The following CALB1 variants were observed in gnomAD, a reference collection of about 807,000 sequenced individuals.
The protein encoded by CALB1 is calbindin 1.
CALB1 carries 16 observed loss-of-function variants against 46.7 expected under a neutral mutation model. The ratio of observed to expected loss-of-function variants is 0.34; its 90% CI spans 0.23 to 0.52. CALB1 has a LOEUF of 0.52. Among genes scored for constraint, CALB1 ranks in the 20% least tolerant of loss-of-function variants. The pLI, the probability that CALB1 is intolerant of heterozygous loss-of-function variation, is 0.95. For missense variants in CALB1, 224 were observed against 300.3 expected, an observed-to-expected ratio of 0.75 and a Z score of 1.88; for synonymous variants, 90 against 112.8, an observed-to-expected ratio of 0.80 and a Z score of 1.28.
At chr8:90,072,182 AAAC>A (rs1452173468) in intron 3 of CALB1, among the ~76,000 whole-genome samples, 11 of 151,616 alleles carry the variant, frequency 7.3e-5, no homozygotes, top group African/African-American at 2.7e-4. Flanking sequence ...AAACAGAAAA[AAAC>A]AAATGAATGA....
intron 3 of CALB1, among the ~76,000 whole-genome samples, chr8:90,075,124 A>C (rs145956037): frequency 1.1e-3 from 160 of 152,310 alleles, no homozygotes; most frequent in African/African-American, 3.8e-3. Context: ...AATCTATTTA[A>C]AGGCAAGAAA....
In CALB1 at chr8:90,082,809, C is replaced by A; in HGVS notation, c.-112G>T. 9.4e-7 allele frequency: 1 copy of A among 1,063,296 alleles called. No individual in the cohort carries two copies. The highest frequency in any genetic ancestry group is 1.5e-6 in the Non-Finnish European group (1 of 685,394). The allele number at this position is 1,063,296 out of a possible 1,614,324, so 65.9% of individuals were successfully genotyped here. On this transcript the variant is annotated 5_prime_UTR_variant, in exon 1 of 11. In the 5' UTR this introduces an upstream ATG that the reference lacks. Transcript: ENST00000265431. ...GCGAGTCAGGGCTGCGGAGGGAGAC[C>A]TGGGCGCGGGCGCTGCCGGGCGCTG...
intron 5 of CALB1, 115 bp downstream of exon 5, chr8:90,068,883 G>A: frequency 1.5e-6 from 1 of 677,770 alleles, no homozygotes; most frequent in Non-Finnish European, 2.5e-6. Context: ...AGGTGAAAAT[G>A]TGACACTGTT....
chr8:90,066,423 T>A (rs1375961309), intron 5 of CALB1, among the ~76,000 whole-genome samples: 1 of 152,030 alleles, frequency 6.6e-6, no homozygotes, highest in East Asian at 1.9e-4. Flanking sequence ...CTATCCCTAA[T>A]TTCAAATCCA....
intron 3 of CALB1, among the ~76,000 whole-genome samples, chr8:90,073,183 T>C (rs796166465): frequency 1.3e-5 from 2 of 152,314 alleles, no homozygotes; most frequent in South Asian, 2.1e-4. Flanking sequence ...TGTAAATAAA[T>C]GGAGGTAAAG....
rs746509996 is a variant in CALB1, at chr8:90,082,137, T to C, written c.80-35A>G. ...CAAAGAGGCACCCAGGTGTCAGATATCTCATTCCAAGTGTCTTTCCCGTTC... is the reference window on the plus strand; with the variant it reads ...CAAAGAGGCACCCAGGTGTCAGATACCTCATTCCAAGTGTCTTTCCCGTTC... On this transcript the variant is annotated intron_variant, in intron 1 of 10. Coordinates refer to ENST00000265431, the MANE Select transcript of CALB1 (RefSeq NM_004929.4). The C allele has an allele frequency of 1.6e-5, 25 of 1,557,938 alleles. No individual in the cohort carries two copies. The South Asian group carries it at 2.3e-4, about 15-fold the overall frequency.
rs767017029 is a variant in CALB1 at position 90,082,734 on chromosome 8, C to G, written c.-37G>C. 1.9e-6 allele frequency: 3 copies of G among 1,577,860 alleles called. No homozygotes were observed. The highest frequency in any genetic ancestry group is 1.1e-5 in the South Asian group (1 of 90,332). On this transcript the variant is annotated 5_prime_UTR_variant, in exon 1 of 11. Transcript: ENST00000265431. ...GTGTGTGTCTGGGTGTGTGAATATG[C>G]GTGTGTCTGTGTCCGCGCGAGGGGG...
At chr8:90,064,627 A>G (rs1210002757) in intron 6 of CALB1, among the ~76,000 whole-genome samples, 1 of 151,760 alleles carries the variant, frequency 6.6e-6, no homozygotes, top group Non-Finnish European at 1.5e-5. Context: ...GATTGGAACA[A>G]AATAGAAAAT....
intron 2 of CALB1, among the ~76,000 whole-genome samples, chr8:90,081,822 C>G (rs1389372048): frequency 3.3e-5 from 5 of 151,676 alleles, no homozygotes; most frequent in Admixed American, 3.3e-4. Flanking sequence ...CTCTCTCTCT[C>G]CCCCTCTCTC....
At chr8:90,078,630 T>A (rs994451016) in intron 2 of CALB1, among the ~76,000 whole-genome samples, 183 bp from the exon 3 acceptor site, 1 of 151,646 alleles carries the variant, frequency 6.6e-6, no homozygotes, top group African/African-American at 2.4e-5. Context: ...TAGTTCCAAA[T>A]GAAAGAGTTG....
In CALB1 at chr8:90,060,638, C is replaced by A. The variant is rs1262239633; in HGVS notation, c.663G>T (p.Lys221Asn). The A allele has an allele frequency of 6.2e-7, 1 of 1,613,380 alleles. No homozygotes were observed. The highest frequency in any genetic ancestry group is 1.3e-5 in the African/African-American group (1 of 74,918). ...ATGGTAACTAAGTTACCTGTTTATT[C>A]TTCTCGCACAGATCCTTCAGTAAAG... ...LDALLKDLCE[K>N]NKQDLDINNI... Residue 221 changes from lysine to asparagine, a missense_variant, in exon 10 of 11, where the codon AAG becomes AAT. By Grantham distance (94) the Lys-to-Asn change is moderately conservative. Transcript: ENST00000265431.
intron 9 of CALB1, chr8:90,061,718 C>T (rs192047596): frequency 1.3e-3 from 191 of 152,030 alleles, no homozygotes; most frequent in African/African-American, 4.5e-3. Flanking sequence ...GAGACACAAA[C>T]AAATGGAAAG....
At chr8:90,068,363 A>T (rs934013453) in intron 5 of CALB1, among the ~76,000 whole-genome samples, 2 of 152,180 alleles carry the variant, frequency 1.3e-5, no homozygotes, top group South Asian at 4.1e-4. Context: ...TCTAAGTTGC[A>T]GTTTTTCAAA....
rs893003602 is a variant in CALB1, at chr8:90,059,330, C to T, written c.*843G>A. On this transcript the variant is annotated 3_prime_UTR_variant, in exon 11 of 11. Transcript: ENST00000265431. ...ATACCCTTGGTGGAAATGAACAGTTCTACATAGAAAGAAAATCCAGGAAGT... is the reference window on the plus strand; with the variant it reads ...ATACCCTTGGTGGAAATGAACAGTTTTACATAGAAAGAAAATCCAGGAAGT... 2 of 152,344 alleles carry T rather than the reference C, an allele frequency of 1.3e-5. No individual in the cohort carries two copies. Among genetic ancestry groups the T allele is most frequent in the Non-Finnish European group, 2.9e-5 (2 of 67,978 alleles). 9.4% of individuals were successfully genotyped at this position (152,344 alleles called of 1,614,324 possible).
At chr8:90,067,503 G>A (rs572259887) in intron 5 of CALB1, among the ~76,000 whole-genome samples, 1 of 152,278 alleles carries the variant, frequency 6.6e-6, no homozygotes, top group South Asian at 2.1e-4. Flanking sequence ...CTGTCACCTT[G>A]TGGATTGCTG....
At position 90,082,767 on chromosome 8, in the gene CALB1, A is replaced by G; in HGVS notation, c.-70T>C. ...TGTGTCCGCGCGAGGGGGAGTGAGCAAAAGCTCAGCGTGTGCGCGAGTCAG... is the reference window on the plus strand; with the variant it reads ...TGTGTCCGCGCGAGGGGGAGTGAGCGAAAGCTCAGCGTGTGCGCGAGTCAG... On this transcript the variant is annotated 5_prime_UTR_variant, in exon 1 of 11. Transcript: ENST00000265431. 7.0e-7 allele frequency: 1 copy of G among 1,434,414 alleles called. No homozygotes were observed. Among genetic ancestry groups the G allele is most frequent in the Middle Eastern group, 2.0e-4 (1 of 5,020 alleles). The allele number at this position is 1,434,414 out of a possible 1,614,324, so 88.9% of individuals were successfully genotyped here.
intron 3 of CALB1, among the ~76,000 whole-genome samples, chr8:90,070,932 T>G (rs1814504051): frequency 6.6e-6 from 1 of 151,694 alleles, no homozygotes; most frequent in South Asian, 2.1e-4. Context: ...GACCTTTGCA[T>G]TCTTTCAATT....
intron 10 of CALB1, 126 bp downstream of exon 10, chr8:90,060,503 G>T (rs1814276176): frequency 1.2e-6 from 1 of 825,016 alleles, no homozygotes; most frequent in Non-Finnish European, 2.0e-6. Flanking sequence ...ATTGAGTTAA[G>T]AATTGAATTC....
chr8:90,075,629 C>A (rs747216845), intron 3 of CALB1, among the ~76,000 whole-genome samples: 15 of 152,074 alleles, frequency 9.9e-5, no homozygotes, highest in Non-Finnish European at 1.6e-4. Flanking sequence ...CAGTAGAGAG[C>A]AAAATATAAG....
Sources: gnomAD v4.1 joint callset for allele counts (sites outside exome capture counted in the v4.1 genomes callset) on GRCh38, gnomAD v4.1.1 for gene constraint, MANE v1.5 for transcripts, NCBI Gene and HGNC (gene_info 2026-07-23, HGNC 2026-07-21) for gene names.